ANKS1B: variants seen among roughly 807,000 people sequenced by gnomAD.
ANKS1B encodes the protein ankyrin repeat and sterile alpha motif domain-containing protein 1B.
In ANKS1B, 36 loss-of-function variants were observed where a neutral mutation model predicts 148.3. The ratio of observed to expected loss-of-function variants is 0.24; its 90% CI spans 0.19 to 0.32. The LOEUF (loss-of-function observed/expected upper bound fraction) is 0.32, where lower values mean the gene tolerates loss of function less well. ANKS1B is among the 10% of genes least tolerant of loss of function. The probability of loss-of-function intolerance (pLI) is 1.00; values close to 1 mark genes in which losing one functional copy is unlikely to be tolerated. For synonymous variants in ANKS1B, 542 were observed against 560.8 expected (o/e 0.97, Z 0.47); for missense variants, 1,157 against 1,542.6 (o/e 0.75, Z 4.19).
intron 17 of ANKS1B, among the ~76,000 whole-genome samples, chr12:98,973,224 AATAAT>A (rs771263803): frequency 2.2e-5 from 3 of 138,450 alleles, no homozygotes. Context: ...AAAAAAAAAA[AATAAT>A]AAAGAAAATA....
At chr12:99,116,051 T>C (rs572925463) in intron 15 of ANKS1B, among the ~76,000 whole-genome samples, 12 of 152,128 alleles carry the variant, frequency 7.9e-5, no homozygotes, top group Non-Finnish European at 1.6e-4. Flanking sequence ...TGTCCTTCAA[T>C]TTCCTCATCA....
chr12:99,970,492 A>G (rs2095544943), intron 1 of ANKS1B, among the ~76,000 whole-genome samples: 1 of 151,184 alleles, frequency 6.6e-6, no homozygotes, highest in Admixed American at 6.6e-5. Context: ...TTAAATAGTC[A>G]TGCTATTATT....
intron 8 of ANKS1B, among the ~76,000 whole-genome samples, chr12:99,721,569 C>G (rs956432319): frequency 9.9e-5 from 15 of 152,202 alleles, no homozygotes; most frequent in African/African-American, 3.6e-4. Context: ...GAACAACCCC[C>G]CTTTGACTGT....
intron 9 of ANKS1B, among the ~76,000 whole-genome samples, chr12:99,522,716 T>C (rs941097256): frequency 6.6e-6 from 1 of 152,090 alleles, no homozygotes; most frequent in Non-Finnish European, 1.5e-5. Flanking sequence ...ACAGTATGAG[T>C]CAGACTGTAA....
At chr12:99,948,562 T>C (rs1185793344) in intron 1 of ANKS1B, among the ~76,000 whole-genome samples, 4 of 152,192 alleles carry the variant, frequency 2.6e-5, no homozygotes, top group African/African-American at 9.6e-5. Flanking sequence ...TTGCACATAT[T>C]GGGAATTCAA....
At chr12:99,189,679 C>T (rs776650530) in intron 14 of ANKS1B, among the ~76,000 whole-genome samples, 6 of 152,190 alleles carry the variant, frequency 3.9e-5, no homozygotes, top group Non-Finnish European at 5.9e-5. Flanking sequence ...TAGGTATTGA[C>T]GGAACTTATC....
intron 11 of ANKS1B, among the ~76,000 whole-genome samples, chr12:99,423,053 G>T (rs1045599603): frequency 3.9e-5 from 6 of 152,104 alleles, no homozygotes; most frequent in African/African-American, 1.2e-4. Flanking sequence ...GGAAAGTGAG[G>T]ATTAAATTAT....
intron 22 of ANKS1B, among the ~76,000 whole-genome samples, chr12:98,796,635 A>C (rs1463853819): frequency 6.6e-6 from 1 of 152,218 alleles, no homozygotes; most frequent in Non-Finnish European, 1.5e-5. Flanking sequence ...CTACTTTATC[A>C]AGAACTGAGA....
At chr12:99,763,810 C>T (rs777700502) in intron 8 of ANKS1B, among the ~76,000 whole-genome samples, 1 of 152,040 alleles carries the variant, frequency 6.6e-6, no homozygotes, top group East Asian at 1.9e-4. Flanking sequence ...ATACTATATA[C>T]TTCCTTCGTA....
intron 1 of ANKS1B, among the ~76,000 whole-genome samples, chr12:99,920,588 A>T (rs886555354): frequency 2.0e-5 from 3 of 152,092 alleles, no homozygotes; most frequent in Non-Finnish European, 4.4e-5. Flanking sequence ...TCATTCATTC[A>T]TACTTTACAT....
chr12:98,898,094 C>T (rs1596503019), intron 17 of ANKS1B, among the ~76,000 whole-genome samples: 1 of 152,150 alleles, frequency 6.6e-6, no homozygotes, highest in Non-Finnish European at 1.5e-5. Flanking sequence ...TGAAAAATTA[C>T]CTATTAGGTA....
At chr12:99,651,776 GATAAT>G (rs1429752381) in intron 9 of ANKS1B, among the ~76,000 whole-genome samples, 1 of 151,808 alleles carries the variant, frequency 6.6e-6, no homozygotes, top group Non-Finnish European at 1.5e-5. Context: ...AGATAATTTA[GATAAT>G]AGATACTGAT....
chr12:99,648,148 G>A (rs780699403), intron 9 of ANKS1B: 2 of 1,584,992 alleles, frequency 1.3e-6, no homozygotes, highest in Non-Finnish European at 1.7e-6. Flanking sequence ...AGCAGCTGCT[G>A]GGAACTGTCT....
chr12:98,919,910 CT>C (rs2152900134), intron 17 of ANKS1B, among the ~76,000 whole-genome samples: 1 of 152,298 alleles, frequency 6.6e-6, no homozygotes, highest in South Asian at 2.1e-4. Context: ...ACACTCGAGA[CT>C]TTCCATTTCA....
intron 12 of ANKS1B, among the ~76,000 whole-genome samples, chr12:99,339,006 G>A (rs766683126): frequency 1.1e-4 from 16 of 152,162 alleles, no homozygotes; most frequent in Non-Finnish European, 2.2e-4. Context: ...GCTGGGTGAG[G>A]AGTGGTGCAA....
At chr12:99,180,637 T>G (rs922305179) in intron 14 of ANKS1B, among the ~76,000 whole-genome samples, 223 of 151,664 alleles carry the variant, frequency 1.5e-3, no homozygotes, top group Non-Finnish European at 1.6e-3. Context: ...TTTTTTTTTT[T>G]TTTTTTTTTT....
chr12:99,526,787 T>C (rs976143741), intron 9 of ANKS1B, among the ~76,000 whole-genome samples: 5 of 152,226 alleles, frequency 3.3e-5, no homozygotes, highest in African/African-American at 1.2e-4. Flanking sequence ...GGTTAAACTA[T>C]GTCCTCCCAA....
At chr12:98,882,004 T>C (rs992029948) in intron 17 of ANKS1B, among the ~76,000 whole-genome samples, 2 of 152,130 alleles carry the variant, frequency 1.3e-5, no homozygotes, top group Non-Finnish European at 2.9e-5. Context: ...AGAGATATTT[T>C]TGCCTTTTCT....
At chr12:99,112,445 C>T (rs946164478) in intron 15 of ANKS1B, among the ~76,000 whole-genome samples, 4 of 151,560 alleles carry the variant, frequency 2.6e-5, no homozygotes, top group African/African-American at 9.7e-5. Flanking sequence ...CAAATAGATG[C>T]TTATCTCTTT....
Sources: allele counts gnomAD v4.1 joint callset (sites outside exome capture counted in the v4.1 genomes callset), GRCh38; gene constraint gnomAD v4.1.1; transcripts MANE v1.5; gene names NCBI Gene and HGNC (gene_info 2026-07-23, HGNC 2026-07-21).